Variants in MAX observed in about 807,000 individuals in gnomAD.
MAX encodes the protein protein max.
In MAX, 3 loss-of-function variants were observed where a neutral mutation model predicts 22.3. The ratio of observed to expected loss-of-function variants is 0.13; its 90% CI spans 0.06 to 0.35. MAX has a LOEUF of 0.35. Among genes scored for constraint, MAX ranks in the 10% least tolerant of loss-of-function variants. The pLI is 1.00. For synonymous variants in MAX, 72 were observed against 77.7 expected (o/e 0.93, Z 0.39); for missense variants, 119 against 209.4 (o/e 0.57, Z 2.66).
rs1464615865 is a variant in MAX, at chr14:65,014,633, G to A, written c.172-8349C>T. The stretch of plus-strand genomic sequence containing the variant: ...GTTCAAGACCAGCCTGGGCAACATA[G>A]TGGGATGCTGTCTCTATAAAAACTT... On this transcript the variant is annotated intron_variant, in intron 3 of 3. Coordinates refer to the MAX transcript ENST00000341653. The surrounding 1 kb of genome is among the most constrained non-coding windows in gnomAD (Gnocchi z 5.1). Among the ~76,000 whole-genome samples the A allele has an allele frequency of 6.6e-6, 1 of 152,148 alleles. No homozygotes were observed. Among genetic ancestry groups the A allele is most frequent in the African/African-American group, 2.4e-5 (1 of 41,420 alleles).
Position 65,078,001 on chromosome 14 carries a change from T to C in MAX, c.207A>G (p.Glu69=), listed in dbSNP as rs1475635279. 2 of 1,614,068 alleles carry C rather than the reference T, an allele frequency of 1.2e-6. No homozygotes were observed. The highest frequency in any genetic ancestry group is 4.5e-5 in the East Asian group (2 of 44,892). The part of the protein sequence containing the change: ...SRAQILDKAT[E]YIQYMRRKNH... ...TTTTCCTTCGCATATACTGGATATA[T>C]TCTGTGGCTTTGTCTAGGATTTGGG... Residue 69 remains glutamate, a synonymous_variant, in exon 4 of 5, where the codon GAA becomes GAG. Coordinates refer to ENST00000358664, the MANE Select transcript of MAX (RefSeq NM_002382.5). The surrounding 1 kb of genome is among the most constrained non-coding windows in gnomAD (Gnocchi z 6.4).
At chr14:65,099,727 G>T (rs2063778151) in intron 2 of MAX, among the ~76,000 whole-genome samples, 1 of 151,980 alleles carries the variant, frequency 6.6e-6, no homozygotes, top group Admixed American at 6.5e-5. Flanking sequence ...AACAGACTAG[G>T]CCCCAAACAT....
chr14:65,071,844 C>T, downstream of MAX, among the ~76,000 whole-genome samples: 1 of 152,234 alleles, frequency 6.6e-6, no homozygotes. This position sits in a 1 kb window ranked among gnomAD's most constrained non-coding sequence, Gnocchi z 4.2. Flanking sequence ...AACCCATGCA[C>T]AGGCCTGCCT....
chr14:65,090,513 A>AT (rs2063473297), intron 3 of MAX: 2 of 151,528 alleles, frequency 1.3e-5, no homozygotes, highest in South Asian at 4.2e-4. Context: ...GGTAATTCTT[A>AT]TTTTTTATTT....
chr14:65,035,536 CTT>C (rs1007305306), intron 3 of MAX, among the ~76,000 whole-genome samples: 1 of 151,988 alleles, frequency 6.6e-6, no homozygotes, highest in Non-Finnish European at 1.5e-5. Flanking sequence ...TCAATTCTCT[CTT>C]TCTTTTTTTG....
At chr14:65,101,374 TG>T (rs2063826456) in intron 2 of MAX, among the ~76,000 whole-genome samples, 171 bp downstream of exon 2, 1 of 152,148 alleles carries the variant, frequency 6.6e-6, no homozygotes, top group Admixed American at 6.5e-5. Context: ...TCTAGAATAA[TG>T]GGATTTGCAA....
In MAX at chr14:65,009,137, G is replaced by A. The variant is rs1421557876; in HGVS notation, c.172-2853C>T. On this transcript the variant is annotated intron_variant, in intron 3 of 3. Coordinates refer to the MAX transcript ENST00000341653. The surrounding 1 kb of genome is among the most constrained non-coding windows in gnomAD (Gnocchi z 4.2). The stretch of plus-strand genomic sequence containing the variant: ...TACACAGAAAAGATTTTTGGATAGA[G>A]GTGAGTTGAGAATGAAGGACCGGTG... Among the ~76,000 whole-genome samples, 1 of 152,176 alleles carries A rather than the reference G, an allele frequency of 6.6e-6. No individual in the cohort carries two copies. The highest frequency in any genetic ancestry group is 6.5e-5 in the Admixed American group (1 of 15,278).
intron 3 of MAX, among the ~76,000 whole-genome samples, chr14:65,022,418 T>C (rs2061906597): frequency 6.6e-6 from 1 of 152,206 alleles, no homozygotes; most frequent in Admixed American, 6.5e-5. Context: ...TACTTCTTGC[T>C]ACAAATTAGT....
At position 65,054,792 on chromosome 14, in the gene MAX, G is replaced by A; in HGVS notation, c.171+38916C>T. 7.7e-7 allele frequency: 1 copy of A among 1,304,138 alleles called. No homozygotes were observed. The highest frequency in any genetic ancestry group is 1.1e-6 in the Non-Finnish European group (1 of 942,836). 80.8% of individuals were successfully genotyped at this position (1,304,138 alleles called of 1,614,324 possible). A position where few individuals can be genotyped will look rare whatever the true frequency, so the allele number is the denominator to read the frequency against. ...GGCTCTGCATTTCCTGTGTGGACAG[G>A]CGGAAGCTTGTGGTCCCTCTGCCCT... On this transcript the variant is annotated intron_variant, in intron 3 of 3. Coordinates refer to the MAX transcript ENST00000341653. This position sits in a 1 kb window ranked among gnomAD's most constrained non-coding sequence, Gnocchi z 4.4.
rs1462320099 is a variant in MAX at position 65,023,236 on chromosome 14, T to G, written c.172-16952A>C. Among the ~76,000 whole-genome samples, 1 of 152,092 alleles carries G rather than the reference T, an allele frequency of 6.6e-6. No homozygotes were observed. The highest frequency in any genetic ancestry group is 1.5e-5 in the Non-Finnish European group (1 of 68,026). On this transcript the variant is annotated intron_variant, in intron 3 of 3. Coordinates refer to the MAX transcript ENST00000341653. The surrounding 1 kb of genome is among the most constrained non-coding windows in gnomAD (Gnocchi z 4.1). Reference sequence around the variant, plus strand: ...AACGTGCCTGGTTAATTTTTATAATTCTTGTAGAGATGGGGTTTTGCCATG... The same window carrying G: ...AACGTGCCTGGTTAATTTTTATAATGCTTGTAGAGATGGGGTTTTGCCATG...
At position 65,069,608 on chromosome 14, in the gene MAX, T is replaced by C. The variant is rs941313621; in HGVS notation, c.171+24100A>G. On this transcript the variant is annotated intron_variant, in intron 3 of 3. Coordinates refer to the MAX transcript ENST00000341653. This position sits in a 1 kb window ranked among gnomAD's most constrained non-coding sequence, Gnocchi z 4.6. Reference sequence around the variant, plus strand: ...CAGAGGCAACCCTGGAACCGCCCTATCAAGGGCACAGAGATGAAGGTACAT... The same window carrying C: ...CAGAGGCAACCCTGGAACCGCCCTACCAAGGGCACAGAGATGAAGGTACAT... Among the ~76,000 whole-genome samples, 5 of 152,122 alleles carry C rather than the reference T, an allele frequency of 3.3e-5. No individual in the cohort carries two copies. The highest frequency in any genetic ancestry group is 7.3e-5 in the Non-Finnish European group (5 of 68,034).
At position 65,009,021 on chromosome 14, in the gene MAX, G is replaced by T. The variant is rs1254597596; in HGVS notation, c.172-2737C>A. Among the ~76,000 whole-genome samples, 1 of 152,144 alleles carries T rather than the reference G, an allele frequency of 6.6e-6. No homozygotes were observed. The highest frequency in any genetic ancestry group is 1.5e-5 in the Non-Finnish European group (1 of 68,036). ...CCCCCTCAAGTCCTGCACGAAACCT[G>T]TCTTATTCTGCTCCATGTAATTGAA... On this transcript the variant is annotated intron_variant, in intron 3 of 3. Transcript: ENST00000341653. The surrounding 1 kb of genome is among the most constrained non-coding windows in gnomAD (Gnocchi z 4.2).
chr14:65,008,656 G>A (rs1008161968), intron 3 of MAX, among the ~76,000 whole-genome samples: 3 of 152,220 alleles, frequency 2.0e-5, no homozygotes, highest in Admixed American at 2.0e-4. Flanking sequence ...AGTGTTCCAG[G>A]CAGAGGGAAC....
rs140505189 is a variant in MAX at position 65,012,112 on chromosome 14, A to T, written c.172-5828T>A. On this transcript the variant is annotated intron_variant, in intron 3 of 3. Coordinates refer to the MAX transcript ENST00000341653. The surrounding 1 kb of genome is among the most constrained non-coding windows in gnomAD (Gnocchi z 5.0). ...AAATGTCAGCTGGCATGGTTTTCAG[A>T]TGCTTTAGAGACATTCAGACAAGAG... The T allele has an allele frequency of 9.2e-4, 506 of 550,388 alleles. 3 individuals are homozygous for T. The highest frequency in any genetic ancestry group is 8.6e-3 in the African/African-American group (452 of 52,566). 34.1% of individuals were successfully genotyped at this position (550,388 alleles called of 1,614,324 possible).
In MAX at chr14:65,022,522, A is replaced by G. The variant is rs1191451685; in HGVS notation, c.172-16238T>C. Reference sequence around the variant, plus strand: ...CTTTCTCACTGTGATTGTCTGTAATATTAAGCTTTTTATATTATTTTAAAA... The same window carrying G: ...CTTTCTCACTGTGATTGTCTGTAATGTTAAGCTTTTTATATTATTTTAAAA... On this transcript the variant is annotated intron_variant, in intron 3 of 3. Coordinates refer to the MAX transcript ENST00000341653. Among the ~76,000 whole-genome samples the G allele has an allele frequency of 3.9e-5, 6 of 152,006 alleles. No individual in the cohort carries two copies. In the East Asian group the frequency reaches 1.2e-3, roughly 29 times the overall value.
At chr14:65,102,612 T>G, upstream of MAX, 1 of 1,320,882 alleles carries the variant, frequency 7.6e-7, no homozygotes, top group Non-Finnish European at 9.7e-7. Flanking sequence ...GTAGTTCTTG[T>G]CCCTCTAACA....
chr14:65,101,194 C>G (rs2063821459), intron 2 of MAX, among the ~76,000 whole-genome samples: 1 of 152,192 alleles, frequency 6.6e-6, no homozygotes, highest in Non-Finnish European at 1.5e-5. Flanking sequence ...CTAAATAAAT[C>G]TTCTGACCAC....
At position 65,069,197 on chromosome 14, in the gene MAX, C is replaced by T. The variant is rs2062962038; in HGVS notation, c.171+24511G>A. On this transcript the variant is annotated intron_variant, in intron 3 of 3. Transcript: ENST00000341653. This position sits in a 1 kb window ranked among gnomAD's most constrained non-coding sequence, Gnocchi z 4.6. ...GAAAGTGGTGGAATAGAATCGTGAC[C>T]CAACCTGTGCAGAGCAGATGGCTCT... 6.6e-6 allele frequency among the ~76,000 whole-genome samples: 1 copy of T among 152,164 alleles called. No individual in the cohort carries two copies. The highest frequency in any genetic ancestry group is 1.5e-5 in the Non-Finnish European group (1 of 68,024).
Position 65,102,293 on chromosome 14 carries a change from C to G in MAX, c.36+11G>C, listed in dbSNP as rs377066570. 248 of 1,613,552 alleles carry G rather than the reference C, an allele frequency of 1.5e-4. No individual in the cohort carries two copies. The highest frequency in any genetic ancestry group is 1.9e-4 in the Non-Finnish European group (228 of 1,179,756). ...CAACCCGCACGGGAAGGAAGAAGCC[C>G]CAGGACTCACGTCGCTCTCCACCTC... On this transcript the variant is annotated intron_variant, in intron 1 of 4. Transcript: ENST00000358664.
Sources: allele counts gnomAD v4.1 joint callset (sites outside exome capture counted in the v4.1 genomes callset), GRCh38; gene constraint gnomAD v4.1.1; non-coding constraint Gnocchi (gnomAD v3.1); transcripts MANE v1.5; gene names NCBI Gene and HGNC (gene_info 2026-07-23, HGNC 2026-07-21).